Variants in MTBP observed in about 807,000 individuals in gnomAD.
MTBP encodes MDM2 binding protein.
A neutral mutation model predicts 117.0 loss-of-function variants in MTBP; 101 were observed. The observed-to-expected ratio is 0.86, with a 90% CI of 0.73 to 1.02. The LOEUF is 1.02. Ranked by LOEUF, MTBP falls within the 50% of genes least tolerant of loss-of-function variation. The probability of loss-of-function intolerance (pLI) is 0.00; values close to 1 mark genes in which losing one functional copy is unlikely to be tolerated. For missense variants in MTBP, 970 were observed against 1,030.9 expected (o/e 0.94, Z 0.81); for synonymous variants, 350 against 351.5 (o/e 1.00, Z 0.05).
chr8:120,497,622 CTT>C lies in MTBP; in HGVS notation c.1609+69_1609+70del, dbSNP rs1435071997. The C allele has an allele frequency of 1.2e-5, 11 of 948,464 alleles. No individual in the cohort carries two copies. The Admixed American group carries it at 1.8e-4, about 16-fold the overall frequency. The allele number at this position is 948,464 out of a possible 1,614,324, so 58.8% of individuals were successfully genotyped here. On this transcript the variant is annotated intron_variant, in intron 14 of 21. Coordinates refer to ENST00000305949, the MANE Select transcript of MTBP (RefSeq NM_022045.5). ...GCAACTATGACATTTATTATTAAAA[CTT>C]ATAAAATGTATTGGTCAAATCAAAA...
chr8:120,457,740 C>T (rs979192856), intron 7 of MTBP, among the ~76,000 whole-genome samples: 6 of 152,044 alleles, frequency 3.9e-5, no homozygotes, highest in Non-Finnish European at 5.9e-5. Flanking sequence ...CTGGCTAACA[C>T]GGTAAAACCT....
intron 14 of MTBP, among the ~76,000 whole-genome samples, chr8:120,497,879 T>C (rs1019454064): frequency 6.6e-6 from 1 of 152,196 alleles, no homozygotes; most frequent in Admixed American, 6.5e-5. Context: ...TTAAGCTACA[T>C]TTCCATAAAG....
At chr8:120,502,362 C>T (rs1814602219) in intron 14 of MTBP, 130 bp from the exon 15 acceptor site, 1 of 495,700 alleles carries the variant, frequency 2.0e-6, no homozygotes, top group Non-Finnish European at 3.5e-6. Flanking sequence ...TAATAAATGC[C>T]TAAGGTAAGT....
intron 10 of MTBP, among the ~76,000 whole-genome samples, chr8:120,465,014 C>A (rs1311508141): frequency 1.3e-5 from 2 of 152,028 alleles, no homozygotes; most frequent in African/African-American, 4.8e-5. Context: ...GTCAAGAGAC[C>A]CTAGTTTAGA....
intron 11 of MTBP, 181 bp downstream of exon 11, chr8:120,471,118 C>G (rs1394045680): frequency 4.0e-6 from 2 of 502,384 alleles, no homozygotes; most frequent in Non-Finnish European, 7.0e-6. Context: ...TAAAGTATCT[C>G]TAACCATATT....
chr8:120,509,866 TA>T, intron 16 of MTBP, 67 bp from the exon 17 acceptor site: 1 of 1,081,348 alleles, frequency 9.2e-7, no homozygotes, highest in Non-Finnish European at 1.4e-6. Flanking sequence ...TTTCATTAGA[TA>T]CTTTCTTTAA....
chr8:120,520,541 T>C (rs939058334), intron 20 of MTBP, among the ~76,000 whole-genome samples: 2 of 152,018 alleles, frequency 1.3e-5, no homozygotes, highest in African/African-American at 4.8e-5. Context: ...TTTCCAGGAG[T>C]GGACACAAGC....
chr8:120,458,824 A>G (rs980494094), intron 7 of MTBP, among the ~76,000 whole-genome samples: 11 of 149,924 alleles, frequency 7.3e-5, no homozygotes, highest in African/African-American at 2.7e-4. Context: ...CTGGGCCACA[A>G]GAGTGAAACT....
chr8:120,469,289 A>G (rs1813767653), intron 10 of MTBP, among the ~76,000 whole-genome samples: 1 of 151,820 alleles, frequency 6.6e-6, no homozygotes, highest in Admixed American at 6.6e-5. Flanking sequence ...CAGGTGATCC[A>G]CTTGCCTCGG....
chr8:120,481,998 TTCTC>T (rs1814094212), intron 11 of MTBP, among the ~76,000 whole-genome samples: 1 of 152,180 alleles, frequency 6.6e-6, no homozygotes, highest in Non-Finnish European at 1.5e-5. Context: ...AGAGTTTTGT[TTCTC>T]TCTCTAGTTC....
chr8:120,476,383 A>G (rs1237150217), intron 11 of MTBP, among the ~76,000 whole-genome samples: 2 of 152,090 alleles, frequency 1.3e-5, no homozygotes, highest in East Asian at 1.9e-4. Flanking sequence ...CCTATTCAAC[A>G]TAGTATTGGA....
chr8:120,459,260 A>T lies in MTBP; in HGVS notation c.793A>T (p.Thr265Ser). ...TCCTGAATTTTGTTTAAAGGGAGTC[A>T]CACTTAAGAATTTTAGTACTTCTAA... Reference protein sequence around the residue: ...SFPEFCLKGVTLKNFSTSNLN... With the variant: ...SFPEFCLKGVSLKNFSTSNLN... The change falls in exon 8 of 22, where the codon ACA becomes TCA. Residue 265 changes from threonine (T) to serine (S), a missense_variant. Coordinates refer to ENST00000305949, the MANE Select transcript of MTBP (RefSeq NM_022045.5). 1.2e-6 allele frequency: 2 copies of T among 1,610,752 alleles called. No individual in the cohort carries two copies. The highest frequency in any genetic ancestry group is 1.1e-5 in the South Asian group (1 of 90,478).
chr8:120,446,579 T>TCCA, intron 2 of MTBP, 66 bp downstream of exon 2: 2 of 1,014,826 alleles, frequency 2.0e-6, no homozygotes, highest in Non-Finnish European at 3.1e-6. Flanking sequence ...TTAATTAATT[T>TCCA]GGACCCTAAG....
In MTBP at chr8:120,517,948, G is replaced by T. The variant is rs779463838; in HGVS notation, c.2344G>T (p.Glu782Ter). The change falls in exon 19 of 22, where the codon GAA (glutamate) becomes TAA (stop). Residue 782 changes from glutamate to a stop codon, truncating the protein, a stop_gained. Transcript: ENST00000305949. LOFTEE classifies it high-confidence loss of function. ...TGTGACATCCAGAAAGCCACAAACAGAACGGTCCTTACCAGTGACTTGTCC... is the reference window on the plus strand; with the variant it reads ...TGTGACATCCAGAAAGCCACAAACATAACGGTCCTTACCAGTGACTTGTCC... ...HHVTSRKPQT[E>*]RSLPVTCPLV... 1 of 1,612,642 alleles carries T rather than the reference G, an allele frequency of 6.2e-7. No individual in the cohort carries two copies. Among genetic ancestry groups the T allele is most frequent in the Admixed American group, 1.7e-5 (1 of 59,876 alleles).
At chr8:120,496,474 G>C (rs1403639556) in intron 13 of MTBP, among the ~76,000 whole-genome samples, 1 of 152,050 alleles carries the variant, frequency 6.6e-6, no homozygotes, top group Non-Finnish European at 1.5e-5. Flanking sequence ...TCAACATTTT[G>C]TTCATGAGCT....
intron 13 of MTBP, among the ~76,000 whole-genome samples, chr8:120,491,768 C>G (rs1287347950): frequency 6.6e-6 from 1 of 152,168 alleles, no homozygotes; most frequent in Non-Finnish European, 1.5e-5. Flanking sequence ...TCCATTGATT[C>G]ATCTTCACCT....
intron 8 of MTBP, 140 bp from the exon 9 acceptor site, chr8:120,461,021 G>A: frequency 1.7e-6 from 1 of 596,468 alleles, no homozygotes; most frequent in Middle Eastern, 4.6e-4. Context: ...GTCTGCTATA[G>A]AGGATTAAAT....
chr8:120,468,196 T>C (rs10102004), intron 10 of MTBP, among the ~76,000 whole-genome samples: 81,214 of 151,984 alleles, frequency 0.53, 24,758 homozygotes, highest in Non-Finnish European at 0.67. Context: ...TAAAATATAT[T>C]TGACTTTAAA....
At chr8:120,481,986 G>T (rs1442777626) in intron 11 of MTBP, among the ~76,000 whole-genome samples, 1 of 151,946 alleles carries the variant, frequency 6.6e-6, no homozygotes, top group East Asian at 1.9e-4. Flanking sequence ...CAATCTAAAT[G>T]CAGAGTTTTG....
Sources: allele counts gnomAD v4.1 joint callset (sites outside exome capture counted in the v4.1 genomes callset), GRCh38; gene constraint gnomAD v4.1.1; transcripts MANE v1.5; gene names NCBI Gene and HGNC (gene_info 2026-07-23, HGNC 2026-07-21).